COL3A1: variants seen among roughly 807,000 people sequenced by gnomAD.
COL3A1 encodes collagen type III alpha 1 chain.
A neutral mutation model predicts 200.9 loss-of-function variants in COL3A1; 46 were observed. That is an observed-to-expected ratio of 0.23 (90% CI 0.18 to 0.29). COL3A1 has a LOEUF of 0.29. COL3A1 is among the 10% of genes least tolerant of loss of function. The pLI, the probability that COL3A1 is intolerant of heterozygous loss-of-function variation, is 1.00. For missense variants in COL3A1, 1,367 were observed against 1,917.6 expected (o/e 0.71, Z 5.36); for synonymous variants, 650 against 628.0 (o/e 1.03, Z -0.52).
chr2:188,994,208 A>G lies in COL3A1; in HGVS notation c.1195-26A>G. On this transcript the variant is annotated intron_variant, in intron 17 of 50. Transcript: ENST00000304636. This position sits in a 1 kb window ranked among gnomAD's most constrained non-coding sequence, Gnocchi z 4.5. ...ATAAAAGAACATTCAAGTTCGGCTA[A>G]TATAGTGTCTTTGGTTTGTTCTTAG... 1 of 1,613,240 alleles carries G rather than the reference A, an allele frequency of 6.2e-7. No homozygotes were observed. The highest frequency in any genetic ancestry group is 8.5e-7 in the Non-Finnish European group (1 of 1,179,204).
In COL3A1 at chr2:188,991,768, G is replaced by T. The variant is rs545665526; in HGVS notation, c.951+46G>T. ...CACACAATTACAACCCAAAGTGACA[G>T]ATTTTTACAGCCTCAGTAAAGTTTC... On this transcript the variant is annotated intron_variant, in intron 13 of 50. Coordinates refer to ENST00000304636, the MANE Select transcript of COL3A1 (RefSeq NM_000090.4). The T allele has an allele frequency of 3.1e-6, 5 of 1,590,072 alleles. No homozygotes were observed. In the East Asian group the frequency reaches 8.9e-5, roughly 28 times the overall value.
chr2:188,984,346 T>G (rs1383013029), intron 1 of COL3A1, among the ~76,000 whole-genome samples: 1 of 152,026 alleles, frequency 6.6e-6, no homozygotes, highest in Non-Finnish European at 1.5e-5. Flanking sequence ...TCTTCAGAGT[T>G]AGTGACAAAA....
intron 32 of COL3A1, 24 bp from the exon 33 acceptor site, chr2:189,001,373 A>T (rs745524236): frequency 6.2e-6 from 10 of 1,607,332 alleles, no homozygotes; most frequent in Non-Finnish European, 8.5e-6. Context: ...CTTCAAAATT[A>T]AAAAATATTT....
chr2:188,996,515 T>G lies in COL3A1; in HGVS notation c.1761+19T>G. 6.3e-7 allele frequency: 1 copy of G among 1,597,096 alleles called. No homozygotes were observed. The highest frequency in any genetic ancestry group is 8.6e-7 in the Non-Finnish European group (1 of 1,165,140). On this transcript the variant is annotated intron_variant, in intron 24 of 50. Transcript: ENST00000304636. The stretch of plus-strand genomic sequence containing the variant: ...AAATGATGTGAGTTCCTTCATTAAT[T>G]TCTTCAATAAATATTTGACTGGAAG...
Position 189,010,382 on chromosome 2 carries a change from C to T in COL3A1, c.4011+17C>T. The T allele has an allele frequency of 6.2e-7, 1 of 1,613,066 alleles. No individual in the cohort carries two copies. The highest frequency in any genetic ancestry group is 8.5e-7 in the Non-Finnish European group (1 of 1,179,140). On this transcript the variant is annotated intron_variant, in intron 49 of 50. Transcript: ENST00000304636. ...GGTTTTCAGGTAGGAAAGGATATAC[C>T]TTTTTTTAAATAAGTCACCTCTATA...
Position 188,995,798 on chromosome 2 carries a change from G to T in COL3A1, c.1608+8G>T, listed in dbSNP as rs200075789. The T allele has an allele frequency of 1.3e-6, 2 of 1,550,850 alleles. No homozygotes were observed. Among genetic ancestry groups the T allele is most frequent in the Non-Finnish European group, 1.7e-6 (2 of 1,144,750 alleles). ...GGAGGTCCAGGAATGAGGGTACAGA[G>T]AAACATTTGTTTGAATGACACTTTA... On this transcript the variant is annotated splice_region_variant and intron_variant, in intron 22 of 50. Transcript: ENST00000304636.
chr2:188,987,807 T>G (rs1688094689), intron 5 of COL3A1, among the ~76,000 whole-genome samples: 1 of 152,024 alleles, frequency 6.6e-6, no homozygotes, highest in South Asian at 2.1e-4. Flanking sequence ...ATGTACTAGT[T>G]TTTCCAGATT....
intron 43 of COL3A1, 83 bp downstream of exon 43, chr2:189,006,535 T>G (rs1576471922): frequency 7.6e-7 from 1 of 1,311,392 alleles, no homozygotes; most frequent in African/African-American, 1.5e-5. Flanking sequence ...GAATGTCAGA[T>G]CTGCCAACCA....
In COL3A1 at chr2:189,012,064, T is replaced by A; in HGVS notation, c.*290T>A. Reference sequence around the variant, plus strand: ...AACACTCTTTATGATAACAACACTGTGTTATATTCTTTGAATCCTAGCCCA... The same window carrying A: ...AACACTCTTTATGATAACAACACTGAGTTATATTCTTTGAATCCTAGCCCA... On this transcript the variant is annotated 3_prime_UTR_variant, in exon 51 of 51. Coordinates refer to ENST00000304636, the MANE Select transcript of COL3A1 (RefSeq NM_000090.4). The A allele has an allele frequency of 2.5e-6, 1 of 394,438 alleles. No homozygotes were observed. The highest frequency in any genetic ancestry group is 4.7e-6 in the Non-Finnish European group (1 of 212,172). 24.4% of individuals were successfully genotyped at this position (394,438 alleles called of 1,614,324 possible).
intron 37 of COL3A1, 57 bp from the exon 38 acceptor site, chr2:189,003,677 T>G: frequency 6.4e-7 from 1 of 1,566,560 alleles, no homozygotes; most frequent in Non-Finnish European, 8.8e-7. Flanking sequence ...ACTTTTTGTT[T>G]GTTGTACAGT....
Position 188,998,258 on chromosome 2 carries a change from C to G in COL3A1, c.1924-8C>G. On this transcript the variant is annotated splice_region_variant and splice_polypyrimidine_tract_variant and intron_variant, in intron 27 of 50. Transcript: ENST00000304636. ...GTAATTACCTAATACAAATATGATT[C>G]TTTCTAGGGCTTGCCTGGTACAGGT... The G allele has an allele frequency of 6.2e-7, 1 of 1,612,798 alleles. No homozygotes were observed. The highest frequency in any genetic ancestry group is 8.5e-7 in the Non-Finnish European group (1 of 1,179,050).
chr2:188,978,117 C>G, intron 1 of COL3A1: 1 of 366,894 alleles, frequency 2.7e-6, no homozygotes, highest in Non-Finnish European at 5.5e-6. Context: ...TTTAGATCAT[C>G]TGATGTTGAA....
rs769301725 is a variant in COL3A1, at chr2:188,994,762, C to T, written c.1386C>T (p.Gly462=). Residue 462 remains glycine, a synonymous_variant, in exon 20 of 51, where the codon GGC becomes GGT. Transcript: ENST00000304636. This position sits in a 1 kb window ranked among gnomAD's most constrained non-coding sequence, Gnocchi z 4.5. ...TTCCAGGTGTTCCAGGAGCTAAAGGCGAAGATGGCAAGGATGGATCACCTG... is the reference window on the plus strand; with the variant it reads ...TTCCAGGTGTTCCAGGAGCTAAAGGTGAAGATGGCAAGGATGGATCACCTG... The part of the protein sequence containing the change: ...AGIPGVPGAK[G]EDGKDGSPGE... 7.4e-6 allele frequency: 12 copies of T among 1,612,182 alleles called. No individual in the cohort carries two copies. Among genetic ancestry groups the T allele is most frequent in the Admixed American group, 3.3e-5 (2 of 59,820 alleles).
rs777903221 is a variant in COL3A1, at chr2:188,996,494, G to T, written c.1759G>T (p.Asp587Tyr). The T allele has an allele frequency of 6.2e-7, 1 of 1,611,534 alleles. No individual in the cohort carries two copies. Among genetic ancestry groups the T allele is most frequent in the South Asian group, 1.1e-5 (1 of 90,990 alleles). Residue 587 changes from aspartate to tyrosine, a missense_variant and splice_region_variant, in exon 24 of 51, where the codon GAT becomes TAT. Asp to Tyr is a radical substitution (Grantham distance 160). Around this residue, in one of 5 missense-constraint regions of COL3A1, gnomAD observed 846 missense variants for 1,147.9 expected, o/e 0.74. Transcript: ENST00000304636. Reference protein sequence around the residue: ...VMGFPGPKGNDGAPGKNGERG... With the variant: ...VMGFPGPKGNYGAPGKNGERG... ...GGGCTTCCCCGGTCCTAAAGGAAAT[G>T]ATGTGAGTTCCTTCATTAATTTCTT...
intron 6 of COL3A1, 42 bp downstream of exon 6, chr2:188,988,176 A>G: frequency 2.0e-6 from 3 of 1,528,604 alleles, no homozygotes; most frequent in Non-Finnish European, 2.7e-6. Context: ...TCATTTTTAG[A>G]AAAATCAAAT....
At position 188,995,585 on chromosome 2, in the gene COL3A1, C is replaced by G. The variant is rs1213553017; in HGVS notation, c.1510-107C>G. On this transcript the variant is annotated intron_variant, in intron 21 of 50. Coordinates refer to ENST00000304636, the MANE Select transcript of COL3A1 (RefSeq NM_000090.4). The stretch of plus-strand genomic sequence containing the variant: ...ATAAATGTTTCAGCAACACACGAAC[C>G]CTTTTTAAAAGTTCAAATGACGTCC... 3 of 744,418 alleles carry G rather than the reference C, an allele frequency of 4.0e-6. No individual in the cohort carries two copies. In the Admixed American group the frequency reaches 7.7e-5, roughly 19 times the overall value. The allele number at this position is 744,418 out of a possible 1,614,324, so 46.1% of individuals were successfully genotyped here.
chr2:188,987,011 A>G (rs1437807734), intron 4 of COL3A1, 48 bp from the exon 5 acceptor site: 5 of 1,521,184 alleles, frequency 3.3e-6, no homozygotes, highest in Middle Eastern at 1.7e-4. Context: ...TAAAAGAATT[A>G]TGAACTGTCT....
Position 188,999,507 on chromosome 2 carries a change from GT to G in COL3A1, c.2160del (p.Thr721LeufsTer70). The G allele has an allele frequency of 6.2e-7, 1 of 1,614,008 alleles. No homozygotes were observed. Among genetic ancestry groups the G allele is most frequent in the South Asian group, 1.1e-5 (1 of 91,082 alleles). On this transcript the variant is annotated frameshift_variant, in exon 31 of 51. Coordinates refer to ENST00000304636, the MANE Select transcript of COL3A1 (RefSeq NM_000090.4). LOFTEE classifies it high-confidence loss of function. ...AGPPGPPGAA[G>X]TPGLQGMPGE... is the part of the protein sequence containing the mutation. Reference sequence around the variant, plus strand: ...CCTCCTGGGCCACCTGGTGCTGCTGGTACTCCTGGTCTGCAAGGAATGCCTG... The same window carrying G: ...CCTCCTGGGCCACCTGGTGCTGCTGGACTCCTGGTCTGCAAGGAATGCCTG...
intron 48 of COL3A1, among the ~76,000 whole-genome samples, chr2:189,009,475 A>T (rs572051745): frequency 8.1e-6 from 1 of 122,898 alleles, no homozygotes; most frequent in African/African-American, 3.1e-5. Flanking sequence ...ATTGTAAGTT[A>T]TTTGAGTATA....
Sources: allele counts gnomAD v4.1 joint callset (sites outside exome capture counted in the v4.1 genomes callset), GRCh38; gene constraint gnomAD v4.1.1; regional missense constraint gnomAD v4.1.1; non-coding constraint Gnocchi (gnomAD v3.1); transcripts MANE v1.5; gene names NCBI Gene and HGNC (gene_info 2026-07-23, HGNC 2026-07-21).